Variants in MRM1 observed in about 807,000 individuals in gnomAD.
MRM1 encodes rRNA methyltransferase 1, mitochondrial.
In MRM1, 24 loss-of-function variants were observed where a neutral mutation model predicts 25.0. The observed-to-expected ratio is 0.96, with a 90% CI of 0.69 to 1.35. MRM1 has a LOEUF of 1.35. Among genes scored for constraint, MRM1 ranks in the 40% most tolerant of loss-of-function variants. The pLI is 0.00. For synonymous variants in MRM1, 188 were observed against 199.2 expected (o/e 0.94, Z 0.47); for missense variants, 431 against 464.1 (o/e 0.93, Z 0.65).
Position 36,602,762 on chromosome 17 carries a change from G to T in MRM1, c.636+116G>T, listed in dbSNP as rs556031393. On this transcript the variant is annotated intron_variant, in intron 2 of 4. Transcript: ENST00000614766. The surrounding 1 kb of genome is among the most constrained non-coding windows in gnomAD (Gnocchi z 4.1). The stretch of plus-strand genomic sequence containing the variant: ...GGGCATGTTGGCACCGCTTCCTTTG[G>T]CCTTCTAAATCCCTCTGGGGATGGA... The T allele has an allele frequency of 2.2e-6, 3 of 1,356,646 alleles. No homozygotes were observed. The Admixed American group carries it at 6.0e-5, about 27-fold the overall frequency. 84.0% of individuals were successfully genotyped at this position (1,356,646 alleles called of 1,614,324 possible).
rs540899742 is a variant in MRM1, at chr17:36,602,494, G to C, written c.543-59G>C. On this transcript the variant is annotated intron_variant, in intron 1 of 4. Transcript: ENST00000614766. The surrounding 1 kb of genome is among the most constrained non-coding windows in gnomAD (Gnocchi z 4.1). ...CCCTAGCCCTTGGGAGCCCTGGGAG[G>C]GTAGGGAGCCGGGCTTGAGATGGCC... 1.2e-6 allele frequency: 2 copies of C among 1,611,086 alleles called. No individual in the cohort carries two copies. The highest frequency in any genetic ancestry group is 1.7e-6 in the Non-Finnish European group (2 of 1,177,564).
chr17:36,614,581 T>A, the MRM1 span, among the ~76,000 whole-genome samples: 1 of 152,124 alleles, frequency 6.6e-6, no homozygotes, highest in Non-Finnish European at 1.5e-5. Context: ...ATGGCCACTT[T>A]CCCTTCCTTC....
Position 36,608,288 on chromosome 17 carries a change from C to T in MRM1, c.935C>T (p.Thr312Ile), listed in dbSNP as rs1486438277. Residue 312 changes from threonine to isoleucine, a missense_variant, in exon 5 of 5, where the codon ACA becomes ATA. By Grantham distance (89) the Thr-to-Ile change is moderately conservative (BLOSUM62 -1). Transcript: ENST00000614766. ...SICSQRKGFPTEGERRQLLQD... is the reference protein window; with the variant it reads ...SICSQRKGFPIEGERRQLLQD... ...TGCAGCCAGAGGAAGGGTTTCCCCA[C>T]AGAGGGGGAGAGAAGGCAGCTTCTC... is the stretch of plus-strand genomic sequence containing the variant. 3 of 1,601,292 alleles carry T rather than the reference C, an allele frequency of 1.9e-6. No homozygotes were observed. In the African/African-American group the frequency reaches 4.0e-5, roughly 22 times the overall value.
chr17:36,623,760 T>C, the MRM1 span, among the ~76,000 whole-genome samples: 2 of 152,150 alleles, frequency 1.3e-5, no homozygotes, highest in African/African-American at 2.4e-5. Context: ...TTGAGGCTTG[T>C]TGGGATTGGG....
chr17:36,601,613 C>A lies in MRM1; in HGVS notation c.-198C>A. 2.0e-6 allele frequency: 1 copy of A among 506,016 alleles called. No homozygotes were observed. Among genetic ancestry groups the A allele is most frequent in the Non-Finnish European group, 3.3e-6 (1 of 302,180 alleles). The allele number at this position is 506,016 out of a possible 1,614,324, so 31.3% of individuals were successfully genotyped here. A position where few individuals can be genotyped will look rare whatever the true frequency, so the allele number is the denominator to read the frequency against. ...CGGAAGCGAGGGACCCACGTGGGAG[C>A]CTGGGAGCGGGTGGTCGTAGCTCGG... is the stretch of plus-strand genomic sequence containing the variant. On this transcript the variant is annotated 5_prime_UTR_variant, in exon 1 of 5. Transcript: ENST00000614766.
At chr17:36,631,895 C>T in the MRM1 span, among the ~76,000 whole-genome samples, 1 of 152,178 alleles carries the variant, frequency 6.6e-6, no homozygotes, top group Admixed American at 6.5e-5. Flanking sequence ...GGTTGGGGGT[C>T]CTTGCTCCCC....
chr17:36,613,064 T>A (rs910438653), downstream of MRM1, among the ~76,000 whole-genome samples: 2 of 152,084 alleles, frequency 1.3e-5, no homozygotes, highest in African/African-American at 4.8e-5. Flanking sequence ...GATCCTGAGA[T>A]GCCGAGATGG....
chr17:36,607,845 G>C, intron 3 of MRM1, 43 bp downstream of exon 3: 1 of 1,611,248 alleles, frequency 6.2e-7, no homozygotes, highest in Non-Finnish European at 8.5e-7. Flanking sequence ...TACATTTCCC[G>C]AGCAACTGGG....
chr17:36,612,923 G>A (rs1157670179), downstream of MRM1, among the ~76,000 whole-genome samples: 3 of 152,168 alleles, frequency 2.0e-5, no homozygotes, highest in Non-Finnish European at 2.9e-5. Context: ...CCTGGCCTCC[G>A]TTTTCCTGTA....
chr17:36,627,332 C>T, the MRM1 span, among the ~76,000 whole-genome samples: 1 of 152,228 alleles, frequency 6.6e-6, no homozygotes, highest in East Asian at 1.9e-4. Context: ...GCCTGCAGGG[C>T]CAGTCCTGTG....
chr17:36,607,962 T>A lies in MRM1; in HGVS notation c.833T>A (p.Leu278Gln). 6.2e-7 allele frequency: 1 copy of A among 1,614,162 alleles called. No individual in the cohort carries two copies. The highest frequency in any genetic ancestry group is 8.5e-7 in the Non-Finnish European group (1 of 1,180,028). ...TCCTGCCAGCTTCTCCTCACCATCC[T>A]GCCCCGGCGCCAGCTGCCTCCTGGA... Reference protein sequence around the residue: ...QASCQLLLTILPRRQLPPGLE... With the variant: ...QASCQLLLTIQPRRQLPPGLE... Residue 278 changes from leucine (L) to glutamine (Q), a missense_variant, in exon 4 of 5, where the codon CTG becomes CAG. Coordinates refer to ENST00000614766, the MANE Select transcript of MRM1 (RefSeq NM_024864.5).
the MRM1 span, among the ~76,000 whole-genome samples, chr17:36,632,294 G>A: frequency 6.6e-6 from 1 of 152,120 alleles, no homozygotes; most frequent in Non-Finnish European, 1.5e-5. Flanking sequence ...TTGGGCCTGA[G>A]GATGAAGAAG....
downstream of MRM1, among the ~76,000 whole-genome samples, chr17:36,609,541 A>G (rs1237844296): frequency 2.0e-5 from 3 of 152,190 alleles, no homozygotes; most frequent in Non-Finnish European, 4.4e-5. Flanking sequence ...ACCTATACGC[A>G]CTAGATGCCT....
chr17:36,608,293 G>T lies in MRM1; in HGVS notation c.940G>T (p.Gly314Trp), dbSNP rs111861323. The change falls in exon 5 of 5, where the codon GGG (glycine) becomes TGG (tryptophan). Residue 314 changes from glycine to tryptophan, a missense_variant. Coordinates refer to ENST00000614766, the MANE Select transcript of MRM1 (RefSeq NM_024864.5). ...CSQRKGFPTE[G>W]ERRQLLQDPQ... ...CCAGAGGAAGGGTTTCCCCACAGAG[G>T]GGGAGAGAAGGCAGCTTCTCCAAGA... is the stretch of plus-strand genomic sequence containing the variant. 117 of 1,605,622 alleles carry T rather than the reference G, an allele frequency of 7.3e-5. No homozygotes were observed. The highest frequency in any genetic ancestry group is 1.7e-4 in the African/African-American group (13 of 74,404).
At chr17:36,616,010 AACAACAACG>A in the MRM1 span, among the ~76,000 whole-genome samples, 1 of 151,968 alleles carries the variant, frequency 6.6e-6, no homozygotes, top group African/African-American at 2.4e-5. Context: ...CAACAACAAC[AACAACAACG>A]ACAACAAAAC....
At chr17:36,628,397 A>G in the MRM1 span, among the ~76,000 whole-genome samples, 1 of 152,208 alleles carries the variant, frequency 6.6e-6, no homozygotes, top group Non-Finnish European at 1.5e-5. Context: ...GCAGGCAGAT[A>G]CACACTTGCC....
intron 2 of MRM1, among the ~76,000 whole-genome samples, chr17:36,606,040 T>C (rs559570622): frequency 6.6e-6 from 1 of 152,258 alleles, no homozygotes; most frequent in South Asian, 2.1e-4. Context: ...CTCATGTGGC[T>C]CTTGTTCCTT....
the MRM1 span, among the ~76,000 whole-genome samples, chr17:36,622,751 GGCGGTGCCCT>G: frequency 6.6e-6 from 1 of 152,190 alleles, no homozygotes; most frequent in African/African-American, 2.4e-5. Flanking sequence ...GCTGGGCAGT[GGCGGTGCCCT>G]GCAGGGGTAT....
chr17:36,629,610 G>A, the MRM1 span, among the ~76,000 whole-genome samples: 9,653 of 152,234 alleles, frequency 0.063, 404 homozygotes, highest in Non-Finnish European at 0.096. Context: ...AAGCCAGGCT[G>A]GGGACCAGGA....
Sources: allele counts gnomAD v4.1 joint callset (sites outside exome capture counted in the v4.1 genomes callset), GRCh38; gene constraint gnomAD v4.1.1; non-coding constraint Gnocchi (gnomAD v3.1); transcripts MANE v1.5; gene names NCBI Gene and HGNC (gene_info 2026-07-23, HGNC 2026-07-21).